The following CSNK2A2IP variants were observed in gnomAD, a reference collection of about 807,000 sequenced individuals.
CSNK2A2IP encodes the protein casein kinase 2 subunit alpha' interacting protein, also known as casein kinase II subunit alpha'-interacting protein.
At chr3:88,429,039 T>C in the CSNK2A2IP span, among the ~76,000 whole-genome samples, 4 of 102,968 alleles carry the variant, frequency 3.9e-5, no homozygotes, top group African/African-American at 1.1e-4. Flanking sequence ...TGGGGTTTCA[T>C]TGGTAACACA....
chr3:88,457,596 C>A, the CSNK2A2IP span, among the ~76,000 whole-genome samples: 3 of 151,840 alleles, frequency 2.0e-5, no homozygotes, highest in Non-Finnish European at 4.4e-5. Flanking sequence ...ACTCAGGAGG[C>A]TGAGGCAGGA....
the CSNK2A2IP span, among the ~76,000 whole-genome samples, chr3:88,353,153 A>C: frequency 6.6e-6 from 1 of 152,024 alleles, no homozygotes; most frequent in African/African-American, 2.4e-5. Flanking sequence ...TTTAGTTTCA[A>C]CTCCCCCAAC....
At chr3:88,435,230 C>G in the CSNK2A2IP span, among the ~76,000 whole-genome samples, 3 of 152,116 alleles carry the variant, frequency 2.0e-5, no homozygotes, top group South Asian at 6.2e-4. Context: ...TCTGGGGATA[C>G]CTATTTTGTC....
At chr3:88,345,582 TC>T in the CSNK2A2IP span, among the ~76,000 whole-genome samples, 1 of 151,968 alleles carries the variant, frequency 6.6e-6, no homozygotes, top group East Asian at 1.9e-4. Flanking sequence ...TTATTATATG[TC>T]CTGGTGATCT....
At chr3:88,463,253 G>GT in the CSNK2A2IP span, among the ~76,000 whole-genome samples, 103,205 of 143,946 alleles carry the variant, frequency 0.72, 37,750 homozygotes, top group East Asian at 0.91. Flanking sequence ...GATCACTTTA[G>GT]TTTTTTTTTT....
the CSNK2A2IP span, among the ~76,000 whole-genome samples, chr3:88,341,069 T>A: frequency 1.3e-5 from 2 of 152,010 alleles, no homozygotes; most frequent in Non-Finnish European, 2.9e-5. Flanking sequence ...AAATGCATAT[T>A]TACTTTTCCA....
chr3:88,377,266 T>C, the CSNK2A2IP span, among the ~76,000 whole-genome samples: 1 of 151,812 alleles, frequency 6.6e-6, no homozygotes, highest in East Asian at 1.9e-4. Context: ...CTTCCCAAAC[T>C]TCTCCTTCTC....
the CSNK2A2IP span, among the ~76,000 whole-genome samples, chr3:88,386,496 G>T: frequency 4.6e-5 from 7 of 152,158 alleles, no homozygotes; most frequent in Non-Finnish European, 1.0e-4. Context: ...TTTGAGGTTT[G>T]GTCAGGAAAG....
At chr3:88,395,989 C>T in the CSNK2A2IP span, among the ~76,000 whole-genome samples, 7 of 151,980 alleles carry the variant, frequency 4.6e-5, no homozygotes, top group African/African-American at 1.7e-4. Context: ...CCTGGAGTTA[C>T]CATGATTAGT....
chr3:88,424,273 C>T, the CSNK2A2IP span, among the ~76,000 whole-genome samples: 879 of 152,196 alleles, frequency 5.8e-3, 8 homozygotes, highest in African/African-American at 0.02. Context: ...CATTAGTTGG[C>T]CTATGTATTC....
At chr3:88,451,181 A>G in the CSNK2A2IP span, among the ~76,000 whole-genome samples, 1 of 152,118 alleles carries the variant, frequency 6.6e-6, no homozygotes, top group East Asian at 1.9e-4. Flanking sequence ...AGTCCTAAAA[A>G]AGGGGGAAAT....
chr3:88,390,874 G>T, the CSNK2A2IP span, among the ~76,000 whole-genome samples: 2 of 152,212 alleles, frequency 1.3e-5, no homozygotes, highest in South Asian at 4.1e-4. Flanking sequence ...ATTTATGATG[G>T]TATTAATACA....
the CSNK2A2IP span, among the ~76,000 whole-genome samples, chr3:88,458,376 C>T: frequency 0.013 from 2,023 of 152,140 alleles, 37 homozygotes; most frequent in African/African-American, 0.047. Flanking sequence ...GTCTCGAACT[C>T]CTTATCTCAA....
chr3:88,428,393 T>G, the CSNK2A2IP span, among the ~76,000 whole-genome samples: 1 of 152,122 alleles, frequency 6.6e-6, no homozygotes, highest in East Asian at 1.9e-4. Flanking sequence ...TTTGGGGAAC[T>G]GTTAAAAGGG....
chr3:88,339,249 C>T, the CSNK2A2IP span, among the ~76,000 whole-genome samples: 1 of 148,042 alleles, frequency 6.8e-6, no homozygotes, highest in African/African-American at 2.4e-5. Flanking sequence ...CATCATTCCA[C>T]TCCATCTTCA....
the CSNK2A2IP span, among the ~76,000 whole-genome samples, chr3:88,436,061 GAC>G: frequency 4.8e-4 from 73 of 151,764 alleles, 2 homozygotes; most frequent in Non-Finnish European, 2.6e-4. Context: ...AAGGAGAAGG[GAC>G]AGTCATAATG....
chr3:88,374,833 G>A, the CSNK2A2IP span, among the ~76,000 whole-genome samples: 3 of 151,676 alleles, frequency 2.0e-5, no homozygotes, highest in Non-Finnish European at 3.0e-5. Flanking sequence ...TAGAGCTAAA[G>A]TATATAGAAG....
the CSNK2A2IP span, among the ~76,000 whole-genome samples, chr3:88,446,071 T>TTTC: frequency 2.8e-5 from 4 of 144,884 alleles, no homozygotes; most frequent in Non-Finnish European, 6.0e-5. Flanking sequence ...TCTTTCTTTC[T>TTTC]TTCTTTCTTT....
the CSNK2A2IP span, among the ~76,000 whole-genome samples, chr3:88,447,810 T>A: frequency 5.9e-5 from 9 of 152,038 alleles, no homozygotes; most frequent in African/African-American, 2.2e-4. Context: ...AAATTATGAA[T>A]CCCCCAGGTG....
Sources: gnomAD v4.1 joint callset for allele counts (sites outside exome capture counted in the v4.1 genomes callset) on GRCh38, gnomAD v4.1.1 for gene constraint, MANE v1.5 for transcripts, NCBI Gene and HGNC (gene_info 2026-07-23, HGNC 2026-07-21) for gene names.